KATNAL1: variants seen among roughly 807,000 people sequenced by gnomAD.
KATNAL1 encodes katanin catalytic subunit A1 like 1, also known as katanin p60 ATPase-containing subunit A-like 1.
In KATNAL1, 32 loss-of-function variants were observed where a neutral mutation model predicts 55.2. The ratio of observed to expected loss-of-function variants is 0.58; its 90% CI spans 0.44 to 0.78. The LOEUF is 0.78. Ranked by LOEUF, KATNAL1 falls within the 30% of genes least tolerant of loss-of-function variation. The pLI is 0.00. For synonymous variants in KATNAL1, 193 were observed against 193.6 expected, an observed-to-expected ratio of 1.00 and a Z score of 0.02; for missense variants, 466 against 600.9, an observed-to-expected ratio of 0.78 and a Z score of 2.35.
Position 30,296,545 on chromosome 13 carries a change from G to T in KATNAL1, c.-15+10786C>A, listed in dbSNP as rs1299170003. The T allele has an allele frequency of 4.1e-5, 30 of 735,430 alleles. No homozygotes were observed. The Admixed American group carries it at 5.3e-4, about 13-fold the overall frequency. 45.6% of individuals were successfully genotyped at this position (735,430 alleles called of 1,614,324 possible). On this transcript the variant is annotated intron_variant, in intron 1 of 10. Transcript: ENST00000380615. Reference sequence around the variant, plus strand: ...GGCCTCTTTATCATTGATGGCAAGGGTGTCCTTTGCCAGATCACTGTTAAT... The same window carrying T: ...GGCCTCTTTATCATTGATGGCAAGGTTGTCCTTTGCCAGATCACTGTTAAT...
intron 3 of KATNAL1, among the ~76,000 whole-genome samples, chr13:30,272,436 G>A (rs1051202634): frequency 3.3e-4 from 50 of 152,104 alleles, no homozygotes; most frequent in African/African-American, 1.2e-3. Flanking sequence ...GGGCAGTGAA[G>A]GGCAACAAAT....
chr13:30,221,232 G>C (rs1027366301), intron 9 of KATNAL1, among the ~76,000 whole-genome samples: 1 of 152,160 alleles, frequency 6.6e-6, no homozygotes, highest in African/African-American at 2.4e-5. Context: ...TCCACTTCTA[G>C]CCATGATGAA....
intron 2 of KATNAL1, chr13:30,281,879 CG>C (rs1881369770): frequency 6.6e-6 from 1 of 152,062 alleles, no homozygotes; most frequent in South Asian, 2.1e-4. Context: ...TTTTACTTAA[CG>C]TTTTCTAAAA....
In KATNAL1 at chr13:30,207,961, T is replaced by C. The variant is rs897400816; in HGVS notation, c.*579A>G. The C allele has an allele frequency of 5.9e-5, 9 of 152,294 alleles. No individual in the cohort carries two copies. Among genetic ancestry groups the C allele is most frequent in the African/African-American group, 1.9e-4 (8 of 41,550 alleles). 9.4% of individuals were successfully genotyped at this position (152,294 alleles called of 1,614,324 possible). A position where few individuals can be genotyped will look rare whatever the true frequency, so the allele number is the denominator to read the frequency against. The stretch of plus-strand genomic sequence containing the variant: ...TTCCTCAGTAAAGCTCAAGATATTA[T>C]GAAGTAGCTAGCAGAAGAAATGGCA... On this transcript the variant is annotated 3_prime_UTR_variant, in exon 11 of 11. Transcript: ENST00000380615.
chr13:30,227,479 G>A lies in KATNAL1; in HGVS notation c.1080C>T (p.Phe360=), dbSNP rs1593850329. 6.2e-7 allele frequency: 1 copy of A among 1,613,876 alleles called. No individual in the cohort carries two copies. The highest frequency in any genetic ancestry group is 8.5e-7 in the Non-Finnish European group (1 of 1,179,804). ...KMVMVLAATN[F]PWDIDEALRR... ...GCAAAGCTTCATCAATGTCCCACGG[G>A]AAATTAGTAGCAGCCAATACCATAA... Residue 360 remains phenylalanine (F), a synonymous_variant, in exon 9 of 11, where the codon TTC becomes TTT. Coordinates refer to ENST00000380615, the MANE Select transcript of KATNAL1 (RefSeq NM_032116.5).
rs1427002562 is a variant in KATNAL1, at chr13:30,202,808, CA to C, written c.*5731del. 1 of 152,136 alleles carries C rather than the reference CA, an allele frequency of 6.6e-6. No individual in the cohort carries two copies. The highest frequency in any genetic ancestry group is 2.4e-5 in the African/African-American group (1 of 41,430). The allele number at this position is 152,136 out of a possible 1,614,324, so 9.4% of individuals were successfully genotyped here. A position where few individuals can be genotyped will look rare whatever the true frequency, so the allele number is the denominator to read the frequency against. The stretch of plus-strand genomic sequence containing the variant: ...AAATACTGGGAGACAAACACTGAAA[CA>C]AAAGTCTTAACAACGCACTTACAAG... On this transcript the variant is annotated 3_prime_UTR_variant, in exon 11 of 11. Coordinates refer to ENST00000380615, the MANE Select transcript of KATNAL1 (RefSeq NM_032116.5).
chr13:30,279,609 T>TTAAG lies in KATNAL1; in HGVS notation c.323+450_323+453dup, dbSNP rs1881120695. On this transcript the variant is annotated intron_variant, in intron 3 of 10. Coordinates refer to ENST00000380615, the MANE Select transcript of KATNAL1 (RefSeq NM_032116.5). Reference sequence around the variant, plus strand: ...GATGCCACACTGAGGAATGTAACCTTTAAGTAATAAGCCTCTTAAACATTA... The same window carrying TTAAG: ...GATGCCACACTGAGGAATGTAACCTTTAAGTAAGTAATAAGCCTCTTAAACATTA... Among the ~76,000 whole-genome samples the TTAAG allele has an allele frequency of 2.6e-5, 4 of 152,180 alleles. No individual in the cohort carries two copies. In the South Asian group the frequency reaches 8.3e-4, roughly 32 times the overall value.
intron 6 of KATNAL1, among the ~76,000 whole-genome samples, chr13:30,235,654 G>C (rs945241377): frequency 6.6e-6 from 1 of 152,244 alleles, no homozygotes. Flanking sequence ...TCCAGGAAGA[G>C]AGGGCGAAAG....
In KATNAL1 at chr13:30,227,535, C is replaced by T; in HGVS notation, c.1024G>A (p.Ala342Thr). Residue 342 changes from alanine (A) to threonine (T), a missense_variant, in exon 9 of 11, where the codon GCT becomes ACT. Coordinates refer to ENST00000380615, the MANE Select transcript of KATNAL1 (RefSeq NM_032116.5). ...TTGGAAGGATCATCATTTTCTAAAG[C>T]TCCTCCAACTCCTATACACAGTAAG... is the stretch of plus-strand genomic sequence containing the variant. ...LLIQMDGVGG[A>T]LENDDPSKMV... is the part of the protein sequence containing the mutation. 3 of 1,613,710 alleles carry T rather than the reference C, an allele frequency of 1.9e-6. No individual in the cohort carries two copies. The highest frequency in any genetic ancestry group is 2.5e-6 in the Non-Finnish European group (3 of 1,179,724).
At chr13:30,264,673 A>G (rs1879598453) in intron 3 of KATNAL1, among the ~76,000 whole-genome samples, 1 of 135,204 alleles carries the variant, frequency 7.4e-6, no homozygotes, top group Non-Finnish European at 1.6e-5. Context: ...CCACAATGAG[A>G]TACCATCTCA....
intron 4 of KATNAL1, among the ~76,000 whole-genome samples, chr13:30,243,624 A>C (rs1877491784): frequency 6.7e-6 from 1 of 150,150 alleles, no homozygotes; most frequent in Admixed American, 6.7e-5. Context: ...AAAAAAAAAA[A>C]AAAAAAAAAG....
intron 6 of KATNAL1, among the ~76,000 whole-genome samples, chr13:30,231,873 C>A (rs1364094119): frequency 6.6e-6 from 1 of 152,148 alleles, no homozygotes; most frequent in South Asian, 2.1e-4. Flanking sequence ...ACATTCTTTA[C>A]CCTCTATAAG....
At chr13:30,281,992 C>T (rs976182266) in intron 2 of KATNAL1, 51 of 151,500 alleles carry the variant, frequency 3.4e-4, no homozygotes, top group African/African-American at 1.2e-3. Flanking sequence ...ATTGAAGATG[C>T]TTTTATTTCC....
rs755093398 is a variant in KATNAL1, at chr13:30,231,317, C to T, written c.882G>A (p.Glu294=). 4 of 1,604,860 alleles carry T rather than the reference C, an allele frequency of 2.5e-6. No individual in the cohort carries two copies. In the African/African-American group the frequency reaches 4.0e-5, roughly 16 times the overall value. Residue 294 remains glutamate (E), a synonymous_variant, in exon 7 of 11, where the codon GAG becomes GAA. Coordinates refer to ENST00000380615, the MANE Select transcript of KATNAL1 (RefSeq NM_032116.5). The stretch of plus-strand genomic sequence containing the variant: ...ATCTGAATATATCGTCACTCACCAT[C>T]TCAAACAACAGACGAACTAACTTCT... ...ESEKLVRLLF[E]MARFYAPTTI... is the part of the protein sequence containing the mutation.
chr13:30,280,320 C>A, intron 2 of KATNAL1, 97 bp from the exon 3 acceptor site: 1 of 882,754 alleles, frequency 1.1e-6, no homozygotes, highest in Non-Finnish European at 1.6e-6. Flanking sequence ...TTCTTAATGT[C>A]AAAGGGTGAA....
At chr13:30,274,897 G>A (rs1195655435) in intron 3 of KATNAL1, among the ~76,000 whole-genome samples, 12 of 104,038 alleles carry the variant, frequency 1.2e-4, no homozygotes, top group African/African-American at 3.5e-4. Context: ...ACATACGCGC[G>A]CGCGCGCGCG....
At chr13:30,226,977 A>G (rs1875543758) in intron 9 of KATNAL1, among the ~76,000 whole-genome samples, 2 of 152,092 alleles carry the variant, frequency 1.3e-5, no homozygotes, top group South Asian at 2.1e-4. Context: ...TTGGAAGGCT[A>G]AGGCACAAGA....
intron 1 of KATNAL1, among the ~76,000 whole-genome samples, chr13:30,305,896 G>A (rs1439251193): frequency 6.6e-6 from 1 of 152,150 alleles, no homozygotes; most frequent in Non-Finnish European, 1.5e-5. Context: ...CAAACCTTAT[G>A]TTGTATCACA....
chr13:30,241,232 TCTC>T lies in KATNAL1; in HGVS notation c.493-149_493-147del, dbSNP rs1234824024. On this transcript the variant is annotated intron_variant, in intron 4 of 10. Coordinates refer to ENST00000380615, the MANE Select transcript of KATNAL1 (RefSeq NM_032116.5). ...TATTTTCTGATTACTCAAATGCCAT[TCTC>T]CTCTATTTAATTCATCAGAAATACA... The T allele has an allele frequency of 5.5e-6, 4 of 723,044 alleles. No individual in the cohort carries two copies. The East Asian group carries it at 1.1e-4, about 20-fold the overall frequency. The allele number at this position is 723,044 out of a possible 1,614,324, so 44.8% of individuals were successfully genotyped here.
Sources: gnomAD v4.1 joint callset for allele counts (sites outside exome capture counted in the v4.1 genomes callset) on GRCh38, gnomAD v4.1.1 for gene constraint, MANE v1.5 for transcripts, NCBI Gene and HGNC (gene_info 2026-07-23, HGNC 2026-07-21) for gene names.